The following ATOSA variants were observed in gnomAD, a reference collection of about 807,000 sequenced individuals.
ATOSA encodes the protein atos homolog protein A.
the ATOSA span, chr15:52,652,039 G>GT: frequency 6.7e-7 from 1 of 1,487,434 alleles, no homozygotes; most frequent in Non-Finnish European, 8.9e-7. Flanking sequence ...TTCCCTCCGT[G>GT]TAAGGTTTTT....
chr15:52,608,991 A>G, the ATOSA span: 1 of 1,612,800 alleles, frequency 6.2e-7, no homozygotes, highest in African/African-American at 1.3e-5. Context: ...TGCAATTTGA[A>G]TACTGTTTAT....
the ATOSA span, among the ~76,000 whole-genome samples, chr15:52,610,959 C>T: frequency 6.6e-6 from 1 of 152,220 alleles, no homozygotes; most frequent in Non-Finnish European, 1.5e-5. Context: ...AAACAAAATT[C>T]ATATTGAGTC....
the ATOSA span, among the ~76,000 whole-genome samples, chr15:52,673,270 A>G: frequency 6.6e-6 from 1 of 152,234 alleles, no homozygotes; most frequent in African/African-American, 2.4e-5. Flanking sequence ...CAAGATCACA[A>G]TACTTACCAA....
the ATOSA span, among the ~76,000 whole-genome samples, chr15:52,661,941 A>AC: frequency 6.6e-6 from 1 of 151,254 alleles, no homozygotes; most frequent in East Asian, 1.9e-4. Flanking sequence ...CAAAAAAAAA[A>AC]AAAAAAAAAA....
the ATOSA span, chr15:52,655,986 A>T: frequency 6.6e-6 from 1 of 152,166 alleles, no homozygotes; most frequent in Admixed American, 6.5e-5. Flanking sequence ...CATCAGGTCT[A>T]CATGATGTGA....
the ATOSA span, among the ~76,000 whole-genome samples, chr15:52,660,886 T>C: frequency 6.6e-6 from 1 of 152,174 alleles, no homozygotes; most frequent in African/African-American, 2.4e-5. Context: ...ACTCCCAACC[T>C]CAGGTGATCC....
At chr15:52,613,651 G>C in the ATOSA span, 4 of 1,608,228 alleles carry the variant, frequency 2.5e-6, no homozygotes, top group African/African-American at 5.3e-5. Context: ...AAGATACAAA[G>C]CATTCAACAC....
chr15:52,672,569 A>G, the ATOSA span, among the ~76,000 whole-genome samples: 1 of 152,192 alleles, frequency 6.6e-6, no homozygotes, highest in Admixed American at 6.5e-5. Context: ...CCCAGCCTCA[A>G]AAAGGGTGAA....
chr15:52,675,662 A>G, the ATOSA span, among the ~76,000 whole-genome samples: 1 of 152,160 alleles, frequency 6.6e-6, no homozygotes, highest in Non-Finnish European at 1.5e-5. Flanking sequence ...TAATCCCAGC[A>G]CACTGGGAGG....
chr15:52,625,177 TCAACTTCCTTG>T, the ATOSA span, among the ~76,000 whole-genome samples: 1 of 152,064 alleles, frequency 6.6e-6, no homozygotes, highest in South Asian at 2.1e-4. Flanking sequence ...TACAAAGACA[TCAACTTCCTTG>T]CTTAAATAAT....
the ATOSA span, chr15:52,609,085 G>C: frequency 6.2e-7 from 1 of 1,613,418 alleles, no homozygotes; most frequent in South Asian, 1.1e-5. Context: ...AATTGAGGAA[G>C]TTGATAAACT....
the ATOSA span, among the ~76,000 whole-genome samples, chr15:52,583,751 G>A: frequency 6.6e-6 from 1 of 152,182 alleles, no homozygotes; most frequent in Non-Finnish European, 1.5e-5. Flanking sequence ...CCCACAATCT[G>A]TGTAACATTT....
chr15:52,653,706 A>G, the ATOSA span, among the ~76,000 whole-genome samples: 4 of 152,330 alleles, frequency 2.6e-5, no homozygotes, highest in Admixed American at 2.0e-4. Context: ...TCACAGGCCC[A>G]CTGTACTTTT....
the ATOSA span, among the ~76,000 whole-genome samples, chr15:52,641,259 A>T: frequency 6.6e-6 from 1 of 152,366 alleles, no homozygotes; most frequent in South Asian, 2.1e-4. Context: ...AATGGTATGA[A>T]TTAACACTGG....
At chr15:52,697,789 T>C in the ATOSA span, among the ~76,000 whole-genome samples, 1 of 151,454 alleles carries the variant, frequency 6.6e-6, no homozygotes, top group Non-Finnish European at 1.5e-5. Flanking sequence ...AACAGAAACT[T>C]GAAAAGATAG....
chr15:52,589,627 T>C, the ATOSA span, among the ~76,000 whole-genome samples: 2 of 152,170 alleles, frequency 1.3e-5, no homozygotes, highest in African/African-American at 4.8e-5. Flanking sequence ...ACTAGTAGCA[T>C]TGGCAAGTTA....
chr15:52,611,579 G>A, the ATOSA span: 3 of 1,613,686 alleles, frequency 1.9e-6, no homozygotes, highest in African/African-American at 1.3e-5. Flanking sequence ...ACTTACTGTC[G>A]AGGAACTGGC....
chr15:52,675,442 C>T, the ATOSA span, among the ~76,000 whole-genome samples: 18 of 152,334 alleles, frequency 1.2e-4, no homozygotes, highest in African/African-American at 4.3e-4. Context: ...CCAACTACCA[C>T]ACCCAATCAT....
At chr15:52,694,920 G>GTTTTTTTTTT in the ATOSA span, among the ~76,000 whole-genome samples, 3 of 130,434 alleles carry the variant, frequency 2.3e-5, no homozygotes, top group African/African-American at 5.8e-5. Context: ...TTTTTTTTCT[G>GTTTTTTTTTT]TTTTTTTTTG....
Sources: allele counts gnomAD v4.1 joint callset (sites outside exome capture counted in the v4.1 genomes callset), GRCh38; gene constraint gnomAD v4.1.1; transcripts MANE v1.5; gene names NCBI Gene and HGNC (gene_info 2026-07-23, HGNC 2026-07-21).